The following BAHCC1 variants were observed in gnomAD, a reference collection of about 807,000 sequenced individuals.
BAHCC1 encodes BAH domain and coiled-coil containing 1, also known as BAH and coiled-coil domain-containing protein 1.
BAHCC1 carries 43 observed loss-of-function variants against 88.2 expected under a neutral mutation model. The observed-to-expected ratio is 0.49, with a 90% confidence interval of 0.38 to 0.63. BAHCC1 has a LOEUF of 0.63. BAHCC1 is among the 20% of genes least tolerant of loss of function. The probability of loss-of-function intolerance (pLI) is 0.00; values close to 1 mark genes in which losing one functional copy is unlikely to be tolerated. For missense variants in BAHCC1, 3,023 were observed against 1,654.8 expected, an observed-to-expected ratio of 1.83 and a Z score of -14.34; for synonymous variants, 1,510 against 745.5, an observed-to-expected ratio of 2.03 and a Z score of -16.71.
chr17:81,414,582 C>T (rs370260522), intron 2 of BAHCC1, among the ~76,000 whole-genome samples: 124 of 152,312 alleles, frequency 8.1e-4, no homozygotes, highest in African/African-American at 2.9e-3. Context: ...TTCCTAGGAA[C>T]GCCGAGTTTT....
chr17:81,430,312 G>T (rs1183278339), intron 3 of BAHCC1, among the ~76,000 whole-genome samples: 2 of 152,186 alleles, frequency 1.3e-5, no homozygotes, highest in Non-Finnish European at 2.9e-5. Context: ...GTGGGGGCAG[G>T]GGCTGCTGAG....
intron 2 of BAHCC1, among the ~76,000 whole-genome samples, chr17:81,426,112 TGGTTGGTGGTG>T (rs2064193486): frequency 1.8e-5 from 2 of 109,766 alleles, no homozygotes; most frequent in South Asian, 6.2e-4. Flanking sequence ...GTGGGTGATG[TGGTTGGTGGTG>T]ATAGTGGTTG....
chr17:81,457,316 C>T (rs1341860053), intron 16 of BAHCC1, 94 bp from the exon 17 acceptor site: 5 of 667,684 alleles, frequency 7.5e-6, no homozygotes, highest in South Asian at 6.7e-5. Flanking sequence ...ACTCACAGCC[C>T]CGCCATAACC....
At chr17:81,415,548 C>T (rs1555648505) in intron 2 of BAHCC1, 1 of 516,994 alleles carries the variant, frequency 1.9e-6, no homozygotes, top group South Asian at 1.4e-5. Context: ...CCTGCCCTTT[C>T]AGCCTGCAGT....
chr17:81,463,700 G>A lies in BAHCC1; in HGVS notation c.7710G>A (p.Glu2570=), dbSNP rs782367944. ...AGGTCGTGGCGCGCGAGCAGTATGA[G>A]CAGATGGCCCGGAGCCGCAAGTGCC... ...KCQVVAREQY[E]QMARSRKCQD... is the part of the protein sequence containing the mutation. Residue 2570 remains glutamate (E), a synonymous_variant, in exon 28 of 28, where the codon GAG becomes GAA. Coordinates refer to ENST00000675386, the MANE Select transcript of BAHCC1 (RefSeq NM_001377448.1). The A allele has an allele frequency of 9.0e-6, 7 of 779,542 alleles. No homozygotes were observed. Among genetic ancestry groups the A allele is most frequent in the African/African-American group, 8.5e-5 (5 of 59,156 alleles). The allele number at this position is 779,542 out of a possible 1,614,324, so 48.3% of individuals were successfully genotyped here.
rs528369162 is a variant in BAHCC1 at position 81,410,591 on chromosome 17, A to T, written c.178+10674A>T. 2.3e-4 allele frequency among the ~76,000 whole-genome samples: 35 copies of T among 152,134 alleles called. 1 individual carries two copies. The East Asian group carries it at 5.8e-3, about 25-fold the overall frequency. ...ACCTGCTCTGAGGCACCACGGGTCG[A>T]GGCACCACGGGTCCTGGCACCACGG... On this transcript the variant is annotated intron_variant, in intron 2 of 27. Transcript: ENST00000675386.
At chr17:81,432,334 C>G (rs1412711275) in intron 3 of BAHCC1, among the ~76,000 whole-genome samples, 1 of 152,098 alleles carries the variant, frequency 6.6e-6, no homozygotes, top group Non-Finnish European at 1.5e-5. Context: ...GTACAATGAC[C>G]TATGTGTCAA....
chr17:81,419,407 G>T (rs2064084883), intron 2 of BAHCC1, among the ~76,000 whole-genome samples: 1 of 152,254 alleles, frequency 6.6e-6, no homozygotes, highest in Non-Finnish European at 1.5e-5. Context: ...AGGAATGTGG[G>T]GCAGGGCCAG....
intron 2 of BAHCC1, among the ~76,000 whole-genome samples, chr17:81,417,610 CTT>C (rs1799352475): frequency 7.3e-6 from 1 of 137,142 alleles, no homozygotes; most frequent in African/African-American, 2.7e-5. Context: ...AAGAACCAGA[CTT>C]ATATCCGATT....
At position 81,442,960 on chromosome 17, in the gene BAHCC1, G is replaced by A. The variant is rs781870092; in HGVS notation, c.1611G>A (p.Gly537=). Residue 537 remains glycine (G), a synonymous_variant, in exon 5 of 28, where the codon GGG becomes GGA. Transcript: ENST00000675386. ...AGGAAGCCCCGGCCGGCCCCCCAGGGGCACAGAAGGTGGCCCGCATCAGGC... is the reference window on the plus strand; with the variant it reads ...AGGAAGCCCCGGCCGGCCCCCCAGGAGCACAGAAGGTGGCCCGCATCAGGC... The part of the protein sequence containing the change: ...VGKEAPAGPP[G]AQKVARIRHQ... The A allele has an allele frequency of 1.3e-6, 1 of 779,182 alleles. No homozygotes were observed. Among genetic ancestry groups the A allele is most frequent in the East Asian group, 2.4e-5 (1 of 41,244 alleles). The allele number at this position is 779,182 out of a possible 1,614,324, so 48.3% of individuals were successfully genotyped here. A position where few individuals can be genotyped will look rare whatever the true frequency, so the allele number is the denominator to read the frequency against.
chr17:81,455,168 G>T, intron 14 of BAHCC1, 99 bp from the exon 15 acceptor site: 1 of 650,294 alleles, frequency 1.5e-6, no homozygotes, highest in East Asian at 2.7e-5. Context: ...CCTTGGAGGA[G>T]GGTGACCCAC....
intron 2 of BAHCC1, among the ~76,000 whole-genome samples, chr17:81,419,448 C>T (rs1038332743): frequency 1.3e-5 from 2 of 152,276 alleles, no homozygotes; most frequent in African/African-American, 4.8e-5. Context: ...CCTGCCTCCC[C>T]TCCCGTCCTG....
At chr17:81,400,772 C>T (rs1275230536) in intron 2 of BAHCC1, 1 of 154,262 alleles carries the variant, frequency 6.5e-6, no homozygotes, top group Non-Finnish European at 1.5e-5. Context: ...GAGGATCAGT[C>T]CTTGGCAGAG....
Position 81,452,707 on chromosome 17 carries a change from C to G in BAHCC1, c.4317-16C>G, listed in dbSNP as rs782193986. The G allele has an allele frequency of 2.7e-6, 2 of 742,858 alleles. No individual in the cohort carries two copies. The highest frequency in any genetic ancestry group is 1.9e-5 in the Admixed American group (1 of 52,604). The allele number at this position is 742,858 out of a possible 1,614,324, so 46.0% of individuals were successfully genotyped here. ...GTTGTGCATGAGCCTCTGACCATCC[C>G]CCCTGCGGCCCCCAGGAGAGACGAG... On this transcript the variant is annotated splice_polypyrimidine_tract_variant and intron_variant, in intron 13 of 27. Transcript: ENST00000675386.
At position 81,411,502 on chromosome 17, in the gene BAHCC1, GCCTGCCTGCCTGCCTT is replaced by G. The variant is rs1241432528; in HGVS notation, c.178+11589_178+11604del. On this transcript the variant is annotated intron_variant, in intron 2 of 27. Coordinates refer to ENST00000675386, the MANE Select transcript of BAHCC1 (RefSeq NM_001377448.1). The surrounding 1 kb of genome is among the most constrained non-coding windows in gnomAD (Gnocchi z 6.2). ...TGCCTGCCTGCCTGCCTGCCTGCCT[GCCTGCCTGCCTGCCTT>G]CCTTCCTTCCTTCCTTCCTTCCTTC... is the stretch of plus-strand genomic sequence containing the variant. The G allele has an allele frequency of 3.2e-4, 101 of 320,124 alleles. 1 individual carries two copies. The highest frequency in any genetic ancestry group is 1.4e-3 in the African/African-American group (42 of 30,268). 19.8% of individuals were successfully genotyped at this position (320,124 alleles called of 1,614,324 possible). A position where few individuals can be genotyped will look rare whatever the true frequency, so the allele number is the denominator to read the frequency against.
At position 81,461,872 on chromosome 17, in the gene BAHCC1, C is replaced by T. The variant is rs1402058665; in HGVS notation, c.7209C>T (p.Gly2403=). 1.4e-6 allele frequency: 1 copy of T among 724,890 alleles called. No individual in the cohort carries two copies. The highest frequency in any genetic ancestry group is 1.7e-5 in the African/African-American group (1 of 57,496). The allele number at this position is 724,890 out of a possible 1,614,324, so 44.9% of individuals were successfully genotyped here. A position where few individuals can be genotyped will look rare whatever the true frequency, so the allele number is the denominator to read the frequency against. ...CCACGGTGGCTGGCACCGGTGCGGG[C>T]TCAGGCCCCAGCAGCAGCAGCAAAT... The part of the protein sequence containing the change: ...SRATVAGTGA[G]SGPSSSSKSK... The change falls in exon 26 of 28, where the codon GGC becomes GGT. Residue 2403 remains glycine (G), a synonymous_variant. Transcript: ENST00000675386.
At chr17:81,437,034 G>C (rs922399656) in intron 3 of BAHCC1, among the ~76,000 whole-genome samples, 1 of 152,216 alleles carries the variant, frequency 6.6e-6, no homozygotes, top group Non-Finnish European at 1.5e-5. Context: ...AGAGAGGATC[G>C]AACAGTGCCT....
chr17:81,442,856 T>C lies in BAHCC1; in HGVS notation c.1507T>C (p.Cys503Arg). 1.3e-6 allele frequency: 1 copy of C among 779,480 alleles called. No homozygotes were observed. The highest frequency in any genetic ancestry group is 1.3e-5 in the South Asian group (1 of 74,614). 48.3% of individuals were successfully genotyped at this position (779,480 alleles called of 1,614,324 possible). A position where few individuals can be genotyped will look rare whatever the true frequency, so the allele number is the denominator to read the frequency against. Residue 503 changes from cysteine (C) to arginine (R), a missense_variant, in exon 5 of 28, where the codon TGT becomes CGT. Transcript: ENST00000675386. The part of the protein sequence containing the change: ...YFELPTSSQD[C>R]ARPGHQDPLG... ...CGAGTTGCCCACCTCTTCACAGGACTGTGCCCGGCCTGGTCACCAGGACCC... is the reference window on the plus strand; with the variant it reads ...CGAGTTGCCCACCTCTTCACAGGACCGTGCCCGGCCTGGTCACCAGGACCC...
At chr17:81,460,494 C>A (rs377303209) in intron 24 of BAHCC1, 36 bp from the exon 25 acceptor site, 1 of 731,748 alleles carries the variant, frequency 1.4e-6, no homozygotes, top group Non-Finnish European at 2.5e-6. Flanking sequence ...ACCCCACAGC[C>A]ATGGCACTGA....
Sources: gnomAD v4.1 joint callset for allele counts (sites outside exome capture counted in the v4.1 genomes callset) on GRCh38, gnomAD v4.1.1 for gene constraint, Gnocchi (gnomAD v3.1) non-coding constraint, MANE v1.5 for transcripts, NCBI Gene and HGNC (gene_info 2026-07-23, HGNC 2026-07-21) for gene names.